The following PRKCB variants were observed in gnomAD, a reference collection of about 807,000 sequenced individuals.
PRKCB encodes the protein protein kinase C beta, also known as protein kinase C beta type.
Under a neutral mutation model 81.5 loss-of-function variants are expected in PRKCB, and 13 were observed. That is an observed-to-expected ratio of 0.16 (90% CI 0.10 to 0.25). The LOEUF (loss-of-function observed/expected upper bound fraction) is 0.25, where lower values mean the gene tolerates loss of function less well. Among genes scored for constraint, PRKCB ranks in the 10% least tolerant of loss-of-function variants. The pLI is 1.00. For missense variants in PRKCB, 509 were observed against 875.7 expected (o/e 0.58, Z 5.29); for synonymous variants, 335 against 321.4 (o/e 1.04, Z -0.45).
Position 24,217,882 on chromosome 16 carries a change from G to C in PRKCB, c.*3066G>C, listed in dbSNP as rs1314669434. 2.0e-6 allele frequency: 2 copies of C among 985,214 alleles called. No homozygotes were observed. Among genetic ancestry groups the C allele is most frequent in the Non-Finnish European group, 2.4e-6 (2 of 829,932 alleles). 61.0% of individuals were successfully genotyped at this position (985,214 alleles called of 1,614,324 possible). A position where few individuals can be genotyped will look rare whatever the true frequency, so the allele number is the denominator to read the frequency against. ...CCCTAACACAGTTCAGTTCATACAG[G>C]GGTTCAAAAGGGACAGTGGCCCATT... On this transcript the variant is annotated 3_prime_UTR_variant, in exon 17 of 17. Transcript: ENST00000643927.
intron 2 of PRKCB, among the ~76,000 whole-genome samples, chr16:23,859,365 A>G (rs762378089): frequency 6.6e-6 from 1 of 152,122 alleles, no homozygotes; most frequent in Non-Finnish European, 1.5e-5. Flanking sequence ...TCCAAAGTCC[A>G]CTCAGAAGAG....
At chr16:24,076,046 C>G (rs752243892) in intron 5 of PRKCB, among the ~76,000 whole-genome samples, 3 of 152,188 alleles carry the variant, frequency 2.0e-5, no homozygotes, top group Non-Finnish European at 4.4e-5. Context: ...CACCCACTAA[C>G]TCGTCATTTA....
At chr16:24,084,052 G>A (rs1966284218) in intron 5 of PRKCB, among the ~76,000 whole-genome samples, 1 of 152,238 alleles carries the variant, frequency 6.6e-6, no homozygotes, top group South Asian at 2.1e-4. Flanking sequence ...TGTAGAAGCA[G>A]TAGATAGAGG....
chr16:23,844,593 C>A (rs1416460521), intron 2 of PRKCB, among the ~76,000 whole-genome samples: 1 of 151,840 alleles, frequency 6.6e-6, no homozygotes, highest in African/African-American at 2.4e-5. Flanking sequence ...CTGCAAGCTC[C>A]ACCTCCCAGG....
intron 5 of PRKCB, among the ~76,000 whole-genome samples, chr16:24,062,060 A>T (rs372302547): frequency 6.6e-6 from 1 of 152,112 alleles, no homozygotes; most frequent in Non-Finnish European, 1.5e-5. Flanking sequence ...ACCCACTGCT[A>T]TGTTGTTATT....
chr16:24,069,740 A>AAAACAAAAC (rs1966084030), intron 5 of PRKCB, among the ~76,000 whole-genome samples: 1 of 152,178 alleles, frequency 6.6e-6, no homozygotes, highest in Non-Finnish European at 1.5e-5. Context: ...ACTTTGTATC[A>AAAACAAAAC]AAACAAAACA....
intron 2 of PRKCB, among the ~76,000 whole-genome samples, chr16:23,964,387 A>G (rs555764763): frequency 6.6e-6 from 1 of 152,348 alleles, no homozygotes; most frequent in South Asian, 2.1e-4. Context: ...CCTTTGCGCT[A>G]CAAGGATGGA....
rs116221673 is a variant in PRKCB, at chr16:23,942,314, A to G, written c.206-46194A>G. Among the ~76,000 whole-genome samples the G allele has an allele frequency of 4.9e-3, 752 of 152,352 alleles. 12 individuals carry two copies. Among genetic ancestry groups the G allele is most frequent in the African/African-American group, 0.017 (692 of 41,574 alleles). On this transcript the variant is annotated intron_variant, in intron 2 of 16. Transcript: ENST00000643927. ...GTTTACATTTTCTTTTAAACGTCAC[A>G]CTTGGCATGCCAGATCCCCATGGCG...
Position 24,010,913 on chromosome 16 carries a change from C to T in PRKCB, c.289-21223C>T, listed in dbSNP as rs139344228. On this transcript the variant is annotated intron_variant, in intron 3 of 16. Transcript: ENST00000643927. Reference sequence around the variant, plus strand: ...ATACAAGGTCTCACTGTGTTGCCTACGAGTGCAATGGTACCATCACGGCTC... The same window carrying T: ...ATACAAGGTCTCACTGTGTTGCCTATGAGTGCAATGGTACCATCACGGCTC... 1.3e-3 allele frequency among the ~76,000 whole-genome samples: 202 copies of T among 152,172 alleles called. 1 individual carries two copies. Among genetic ancestry groups the T allele is most frequent in the African/African-American group, 4.5e-3 (187 of 41,512 alleles).
intron 2 of PRKCB, among the ~76,000 whole-genome samples, chr16:23,981,238 C>T (rs557206284): frequency 2.0e-5 from 3 of 152,070 alleles, no homozygotes; most frequent in Non-Finnish European, 4.4e-5. Flanking sequence ...AGAGGCCACC[C>T]ACATTCCTTG....
intron 2 of PRKCB, among the ~76,000 whole-genome samples, chr16:23,972,605 T>G (rs758956859): frequency 6.6e-6 from 1 of 152,208 alleles, no homozygotes; most frequent in Non-Finnish European, 1.5e-5. Context: ...CGAAGGCCTT[T>G]TTGCTATGAG....
chr16:24,157,733 C>T (rs992134287), intron 10 of PRKCB, among the ~76,000 whole-genome samples: 42 of 149,108 alleles, frequency 2.8e-4, no homozygotes, highest in Admixed American at 8.8e-4. Context: ...TGAATTCTCA[C>T]GAGATCTGAT....
At chr16:24,034,129 G>A (rs1424385257) in intron 4 of PRKCB, among the ~76,000 whole-genome samples, 1 of 152,194 alleles carries the variant, frequency 6.6e-6, no homozygotes, top group African/African-American at 2.4e-5. Context: ...CTGCCTGCAG[G>A]ACACCAGCTC....
intron 5 of PRKCB, among the ~76,000 whole-genome samples, chr16:24,075,024 C>G (rs779509880): frequency 2.9e-4 from 44 of 150,330 alleles, no homozygotes; most frequent in Non-Finnish European, 8.8e-5. Context: ...GAGGCTGAGG[C>G]AGAAGGCTCA....
chr16:24,051,541 C>T (rs1567357574), intron 5 of PRKCB, among the ~76,000 whole-genome samples: 3 of 152,062 alleles, frequency 2.0e-5, no homozygotes, highest in African/African-American at 7.2e-5. Context: ...GACAGTTTCT[C>T]CAGGGTCAGC....
chr16:24,093,156 A>G (rs551455890), intron 6 of PRKCB, among the ~76,000 whole-genome samples: 1 of 152,150 alleles, frequency 6.6e-6, no homozygotes, highest in Non-Finnish European at 1.5e-5. Context: ...AATTAGAGCT[A>G]TTTTTTTAAT....
chr16:24,186,159 A>G (rs1260571976), intron 15 of PRKCB, among the ~76,000 whole-genome samples: 1 of 152,190 alleles, frequency 6.6e-6, no homozygotes, highest in Non-Finnish European at 1.5e-5. Flanking sequence ...CTGTGAAGAA[A>G]GCAGGATGTG....
intron 16 of PRKCB, among the ~76,000 whole-genome samples, chr16:24,196,136 T>C (rs1967875171): frequency 6.6e-6 from 1 of 152,214 alleles, no homozygotes; most frequent in South Asian, 2.1e-4. Flanking sequence ...GCCTGTCTTT[T>C]TGACTACTTT....
At chr16:24,147,950 A>G (rs990675748) in intron 9 of PRKCB, among the ~76,000 whole-genome samples, 2 of 152,126 alleles carry the variant, frequency 1.3e-5, no homozygotes, top group Non-Finnish European at 2.9e-5. Context: ...CTTGGCACAA[A>G]CACTAGGCCT....
Sources: allele counts gnomAD v4.1 joint callset (sites outside exome capture counted in the v4.1 genomes callset), GRCh38; gene constraint gnomAD v4.1.1; transcripts MANE v1.5; gene names NCBI Gene and HGNC (gene_info 2026-07-23, HGNC 2026-07-21).